The following C12orf60 variants were observed in gnomAD, a reference collection of about 807,000 sequenced individuals.
The protein encoded by C12orf60 is uncharacterized protein C12orf60.
For missense variants in C12orf60, 284 were observed against 283.2 expected, an observed-to-expected ratio of 1.00 and a Z score of -0.02; for synonymous variants, 102 against 94.6, an observed-to-expected ratio of 1.08 and a Z score of -0.45.
chr12:14,805,770 T>A (rs1950037906), intron 1 of C12orf60: 3 of 509,996 alleles, frequency 5.9e-6, no homozygotes, highest in Non-Finnish European at 1.0e-5. Flanking sequence ...TGTGAAAACA[T>A]CCAGGGAGAA....
intron 1 of C12orf60, among the ~76,000 whole-genome samples, chr12:14,810,811 C>A (rs1950124604): frequency 6.6e-6 from 1 of 152,162 alleles, no homozygotes; most frequent in Admixed American, 6.5e-5. Flanking sequence ...AGTATTTTCG[C>A]TATTGCCCTT....
chr12:14,806,462 A>T, intron 1 of C12orf60: 1 of 1,614,088 alleles, frequency 6.2e-7, no homozygotes, highest in Non-Finnish European at 8.5e-7. Flanking sequence ...GGATTTTCAT[A>T]ATGGCTTGGA....
intron 1 of C12orf60, among the ~76,000 whole-genome samples, chr12:14,809,291 A>G (rs1004539991): frequency 2.6e-5 from 4 of 152,178 alleles, no homozygotes; most frequent in African/African-American, 9.7e-5. Flanking sequence ...TTTTCAATTA[A>G]CTCATTGTTT....
intron 1 of C12orf60, among the ~76,000 whole-genome samples, chr12:14,809,345 T>C (rs1950101824): frequency 6.6e-6 from 1 of 152,164 alleles, no homozygotes. Context: ...TCTGAAAGAC[T>C]GAACAGGTGA....
chr12:14,807,291 C>T (rs188050297), intron 1 of C12orf60, among the ~76,000 whole-genome samples: 209 of 152,260 alleles, frequency 1.4e-3, no homozygotes, highest in Admixed American at 3.7e-3. Context: ...TATTAATAAG[C>T]GTGATTATTT....
intron 1 of C12orf60, among the ~76,000 whole-genome samples, chr12:14,821,643 A>T (rs1468673199): frequency 6.6e-6 from 1 of 152,222 alleles, no homozygotes; most frequent in Admixed American, 6.5e-5. Flanking sequence ...TAATTGTCAT[A>T]TACATTAAGT....
At chr12:14,822,060 C>T (rs567874449) in intron 1 of C12orf60, among the ~76,000 whole-genome samples, 1 of 137,390 alleles carries the variant, frequency 7.3e-6, no homozygotes, top group Non-Finnish European at 1.5e-5. Context: ...TACTTGTTAA[C>T]GCTCGAAGTC....
In C12orf60 at chr12:14,821,183, G is replaced by A. The variant is rs568576140; in HGVS notation, c.-24-1729G>A. Reference sequence around the variant, plus strand: ...TTTTCCTTTTCAAGCCATCTTTTGAGTAATATAAGTAGTTACTTAAATAAT... The same window carrying A: ...TTTTCCTTTTCAAGCCATCTTTTGAATAATATAAGTAGTTACTTAAATAAT... On this transcript the variant is annotated intron_variant, in intron 1 of 1. Transcript: ENST00000330828. Among the ~76,000 whole-genome samples the A allele has an allele frequency of 3.3e-5, 5 of 152,184 alleles. No individual in the cohort carries two copies. The South Asian group carries it at 1.0e-3, about 32-fold the overall frequency.
At chr12:14,808,915 C>T (rs1270925683) in intron 1 of C12orf60, among the ~76,000 whole-genome samples, 1 of 152,190 alleles carries the variant, frequency 6.6e-6, no homozygotes, top group Non-Finnish European at 1.5e-5. Context: ...TCTAAACTTA[C>T]AATGGGTTGG....
intron 1 of C12orf60, among the ~76,000 whole-genome samples, chr12:14,812,210 C>T (rs923206354): frequency 5.3e-5 from 8 of 151,968 alleles, no homozygotes; most frequent in Admixed American, 2.6e-4. Flanking sequence ...TTTGGGAGGC[C>T]GAGGCGGGCG....
At chr12:14,814,437 G>A (rs372872714) in intron 1 of C12orf60, among the ~76,000 whole-genome samples, 5 of 152,230 alleles carry the variant, frequency 3.3e-5, no homozygotes, top group South Asian at 2.1e-4. Context: ...GTTGAGAAGC[G>A]CTATATAACT....
chr12:14,812,321 G>A (rs1330335266), intron 1 of C12orf60, among the ~76,000 whole-genome samples: 1 of 152,160 alleles, frequency 6.6e-6, no homozygotes, highest in African/African-American at 2.4e-5. Flanking sequence ...GCGGGCGCCT[G>A]TAGTCCCAGC....
At chr12:14,816,362 A>T (rs998246283) in intron 1 of C12orf60, among the ~76,000 whole-genome samples, 1 of 152,158 alleles carries the variant, frequency 6.6e-6, no homozygotes, top group Non-Finnish European at 1.5e-5. Context: ...CTCTGCTCAA[A>T]AACCATATAT....
At chr12:14,812,361 A>T (rs10846061) in intron 1 of C12orf60, among the ~76,000 whole-genome samples, 100 of 151,956 alleles carry the variant, frequency 6.6e-4, no homozygotes, top group African/African-American at 2.1e-3. Flanking sequence ...GGAGAATGGC[A>T]TGAGCCTGGG....
chr12:14,819,071 G>T (rs1950267901), intron 1 of C12orf60, among the ~76,000 whole-genome samples: 1 of 151,970 alleles, frequency 6.6e-6, no homozygotes, highest in African/African-American at 2.4e-5. Context: ...GAGTAATTTG[G>T]GAAAAATTGA....
chr12:14,808,368 A>C (rs1009463641), intron 1 of C12orf60, among the ~76,000 whole-genome samples: 5 of 151,618 alleles, frequency 3.3e-5, no homozygotes, highest in Admixed American at 1.3e-4. Flanking sequence ...TGTGGCTGGT[A>C]CTTTTTTTTT....
At chr12:14,822,071 A>G (rs1407855508) in intron 1 of C12orf60, among the ~76,000 whole-genome samples, 1 of 141,794 alleles carries the variant, frequency 7.1e-6, no homozygotes, top group Non-Finnish European at 1.5e-5. Context: ...GCTCGAAGTC[A>G]AAAGTGTTTG....
chr12:14,803,684 GCTAA>G lies in C12orf60; in HGVS notation c.-89_-86del. ...CAATAGGAATTAGAAGAAGATAGCT[GCTAA>G]CTGAGTGGCTGACGGTCCTGTCTCT... On this transcript the variant is annotated 5_prime_UTR_variant, in exon 1 of 2. Coordinates refer to ENST00000330828, the MANE Select transcript of C12orf60 (RefSeq NM_175874.4). 2.6e-6 allele frequency: 1 copy of G among 391,868 alleles called. No homozygotes were observed. 24.3% of individuals were successfully genotyped at this position (391,868 alleles called of 1,614,324 possible). A position where few individuals can be genotyped will look rare whatever the true frequency, so the allele number is the denominator to read the frequency against.
intron 1 of C12orf60, among the ~76,000 whole-genome samples, chr12:14,812,441 C>A (rs1444548114): frequency 6.7e-6 from 1 of 150,316 alleles, no homozygotes; most frequent in Non-Finnish European, 1.5e-5. Context: ...GAGACTCCGT[C>A]TCAAAAAAAA....
Sources: allele counts gnomAD v4.1 joint callset (sites outside exome capture counted in the v4.1 genomes callset), GRCh38; gene constraint gnomAD v4.1.1; transcripts MANE v1.5; gene names NCBI Gene and HGNC (gene_info 2026-07-23, HGNC 2026-07-21).